Variants in RABGAP1L observed in about 807,000 individuals in gnomAD.
RABGAP1L encodes rab GTPase-activating protein 1-like.
In RABGAP1L, 63 loss-of-function variants were observed where a neutral mutation model predicts 137.7. The observed-to-expected ratio is 0.46, with a 90% CI of 0.37 to 0.56. The LOEUF (loss-of-function observed/expected upper bound fraction) is 0.56, where lower values mean the gene tolerates loss of function less well. Ranked by LOEUF, RABGAP1L falls within the 20% of genes least tolerant of loss-of-function variation. The pLI is 0.00. For synonymous variants in RABGAP1L, 431 were observed against 433.7 expected, an observed-to-expected ratio of 0.99 and a Z score of 0.08; for missense variants, 1,095 against 1,244.0, an observed-to-expected ratio of 0.88 and a Z score of 1.80.
chr1:174,329,486 A>C (rs1016541973), intron 11 of RABGAP1L, among the ~76,000 whole-genome samples: 8 of 152,300 alleles, frequency 5.3e-5, no homozygotes, highest in African/African-American at 1.7e-4. Context: ...ATTTTATGAG[A>C]CCAGCATTGT....
At chr1:174,377,327 T>A (rs1685633621) in intron 12 of RABGAP1L, among the ~76,000 whole-genome samples, 1 of 152,176 alleles carries the variant, frequency 6.6e-6, no homozygotes, top group African/African-American at 2.4e-5. Flanking sequence ...TCTCAGCAGA[T>A]TTTTTGGTAG....
intron 17 of RABGAP1L, among the ~76,000 whole-genome samples, chr1:174,741,010 A>G (rs333434): frequency 0.063 from 9,478 of 149,434 alleles, 992 homozygotes; most frequent in African/African-American, 0.22. Flanking sequence ...CCCATTCTGC[A>G]GGTTGTCTCT....
chr1:174,266,526 G>C (rs759512500), intron 7 of RABGAP1L, among the ~76,000 whole-genome samples: 3 of 152,102 alleles, frequency 2.0e-5, no homozygotes, highest in Non-Finnish European at 4.4e-5. Context: ...TACAACACTA[G>C]TCTCCCAAAC....
chr1:174,424,277 A>G (rs1244177553), intron 13 of RABGAP1L, among the ~76,000 whole-genome samples: 1 of 151,992 alleles, frequency 6.6e-6, no homozygotes, highest in Non-Finnish European at 1.5e-5. Flanking sequence ...TATGTGCCTT[A>G]TTTTCAGACT....
chr1:174,486,223 CTTTTTTTT>C lies in RABGAP1L; in HGVS notation c.1710+92087_1710+92094del, dbSNP rs201692363. On this transcript the variant is annotated intron_variant, in intron 13 of 25. Coordinates refer to ENST00000681986, the MANE Select transcript of RABGAP1L (RefSeq NM_001366446.1). Reference sequence around the variant, plus strand: ...GATTCTATTTATTTGGTTCTTTTTTCTTTTTTTTTTTTTTTTGTCTGGCTAAATGTTTG... The same window carrying C: ...GATTCTATTTATTTGGTTCTTTTTTCTTTTTTTTGTCTGGCTAAATGTTTG... Among the ~76,000 whole-genome samples the C allele has an allele frequency of 1.8e-3, 216 of 119,882 alleles. 3 individuals are homozygous for C. Among genetic ancestry groups the C allele is most frequent in the African/African-American group, 5.7e-3 (184 of 32,340 alleles). The allele number at this position is 119,882 out of a possible 152,430, so 78.6% of individuals were successfully genotyped here.
chr1:174,241,757 G>A (rs1277621597), intron 5 of RABGAP1L, 100 bp downstream of exon 5: 2 of 1,072,136 alleles, frequency 1.9e-6, no homozygotes, highest in Non-Finnish European at 2.6e-6. Context: ...CATAAATTTG[G>A]AGTATGTTTC....
intron 19 of RABGAP1L, among the ~76,000 whole-genome samples, chr1:174,823,851 T>G (rs932442037): frequency 6.6e-6 from 1 of 152,180 alleles, no homozygotes; most frequent in Non-Finnish European, 1.5e-5. Context: ...TCAGTAAAAA[T>G]AAATTAGAAA....
intron 13 of RABGAP1L, among the ~76,000 whole-genome samples, chr1:174,621,135 C>T (rs1463871047): frequency 6.6e-6 from 1 of 152,114 alleles, no homozygotes; most frequent in African/African-American, 2.4e-5. Flanking sequence ...ACCTAGGAAT[C>T]CAACTTACAA....
intron 18 of RABGAP1L, among the ~76,000 whole-genome samples, chr1:174,809,800 T>TA: frequency 6.6e-6 from 1 of 152,204 alleles, no homozygotes; most frequent in Non-Finnish European, 1.5e-5. Flanking sequence ...GTACATCTGG[T>TA]AGAATTGGTA....
rs549654778 is a variant in RABGAP1L at position 174,360,341 on chromosome 1, G to A, written c.1466-10638G>A. Among the ~76,000 whole-genome samples the A allele has an allele frequency of 3.9e-5, 6 of 152,172 alleles. 1 individual carries two copies. The highest frequency in any genetic ancestry group is 8.8e-5 in the Non-Finnish European group (6 of 68,014). ...CAGAAATAAAAGAAGTATTCTCTAA[G>A]TATTTAGTGCTTGCTATGTGATAAG... is the stretch of plus-strand genomic sequence containing the variant. On this transcript the variant is annotated intron_variant, in intron 11 of 25. Transcript: ENST00000681986.
At chr1:174,214,788 C>T (rs542270591) in intron 1 of RABGAP1L, among the ~76,000 whole-genome samples, 2 of 152,230 alleles carry the variant, frequency 1.3e-5, no homozygotes, top group East Asian at 3.9e-4. Flanking sequence ...TATCCATATA[C>T]AGAAGGATGA....
At chr1:174,776,199 T>C (rs1228212774) in intron 18 of RABGAP1L, among the ~76,000 whole-genome samples, 1 of 151,842 alleles carries the variant, frequency 6.6e-6, no homozygotes, top group Non-Finnish European at 1.5e-5. Flanking sequence ...GTGAAACCCC[T>C]TCTCTACTAA....
At chr1:174,893,998 T>C (rs1304822558) in intron 19 of RABGAP1L, among the ~76,000 whole-genome samples, 1 of 152,144 alleles carries the variant, frequency 6.6e-6, no homozygotes, top group Non-Finnish European at 1.5e-5. Context: ...AAAATTACAC[T>C]GGAGGGTGGG....
chr1:174,494,608 A>G (rs938448844), intron 13 of RABGAP1L, among the ~76,000 whole-genome samples: 4 of 152,142 alleles, frequency 2.6e-5, no homozygotes, highest in African/African-American at 7.2e-5. Flanking sequence ...CTCTGTTTTC[A>G]TTACTAACGT....
intron 15 of RABGAP1L, among the ~76,000 whole-genome samples, chr1:174,689,588 C>A (rs1678730724): frequency 6.6e-6 from 1 of 152,116 alleles, no homozygotes. Flanking sequence ...GGCCTGGATT[C>A]ATATGATCAG....
In RABGAP1L at chr1:174,967,111, T is replaced by TC. The variant is rs539364237; in HGVS notation, c.2434-2160dup. Among the ~76,000 whole-genome samples the TC allele has an allele frequency of 1.6e-3, 250 of 151,870 alleles. 1 individual carries two copies. Among genetic ancestry groups the TC allele is most frequent in the Non-Finnish European group, 1.8e-3 (120 of 67,934 alleles). ...CTCCAATTATTTATTGGGGTTTTTT[T>TC]CCCCCCTACAAGGAAGGCAGCGTAA... On this transcript the variant is annotated intron_variant, in intron 20 of 25. Coordinates refer to ENST00000681986, the MANE Select transcript of RABGAP1L (RefSeq NM_001366446.1).
At chr1:174,626,800 A>AT (rs1672971362) in intron 13 of RABGAP1L, among the ~76,000 whole-genome samples, 1 of 152,088 alleles carries the variant, frequency 6.6e-6, no homozygotes. Context: ...GCCTCTATGG[A>AT]TTTTTGGCAA....
chr1:174,832,716 T>G (rs895758478), intron 19 of RABGAP1L, among the ~76,000 whole-genome samples: 1 of 152,198 alleles, frequency 6.6e-6, no homozygotes, highest in Non-Finnish European at 1.5e-5. Flanking sequence ...CCTGGCTGTC[T>G]CTGTGTGTTC....
chr1:174,819,500 A>G (rs1252259638), intron 19 of RABGAP1L, among the ~76,000 whole-genome samples: 4 of 152,196 alleles, frequency 2.6e-5, no homozygotes, highest in Non-Finnish European at 5.9e-5. Flanking sequence ...TAATAAATGT[A>G]TACTTACAGA....
Sources: gnomAD v4.1 joint callset for allele counts (sites outside exome capture counted in the v4.1 genomes callset) on GRCh38, gnomAD v4.1.1 for gene constraint, MANE v1.5 for transcripts, NCBI Gene and HGNC (gene_info 2026-07-23, HGNC 2026-07-21) for gene names.